AEBP1: variants seen among roughly 807,000 people sequenced by gnomAD.
AEBP1 encodes the protein AE binding protein 1.
Under a neutral mutation model 116.5 loss-of-function variants are expected in AEBP1, and 69 were observed. The ratio of observed to expected loss-of-function variants is 0.59; its 90% CI spans 0.49 to 0.72. The LOEUF (loss-of-function observed/expected upper bound fraction) is 0.72, where lower values mean the gene tolerates loss of function less well. AEBP1 is among the 30% of genes least tolerant of loss of function. AEBP1 has a pLI of 0.00. For missense variants in AEBP1, 1,444 were observed against 1,557.5 expected, an observed-to-expected ratio of 0.93 and a Z score of 1.23; for synonymous variants, 627 against 627.3, an observed-to-expected ratio of 1.00 and a Z score of 0.01.
Position 44,111,072 on chromosome 7 carries a change from C to CT in AEBP1, c.1630+16dup. On this transcript the variant is annotated intron_variant, in intron 13 of 20. Coordinates refer to ENST00000223357, the MANE Select transcript of AEBP1 (RefSeq NM_001129.5). The surrounding 1 kb of genome is among the most constrained non-coding windows in gnomAD (Gnocchi z 4.7). Reference sequence around the variant, plus strand: ...CTCTGTGGCCCGTGAGTGTGGAGGGCTGGCAGGGGCTCTGAGTGGAGGTGG... The same window carrying CT: ...CTCTGTGGCCCGTGAGTGTGGAGGGCTTGGCAGGGGCTCTGAGTGGAGGTGG... 6.2e-7 allele frequency: 1 copy of CT among 1,602,142 alleles called. No homozygotes were observed. Among genetic ancestry groups the CT allele is most frequent in the African/African-American group, 1.3e-5 (1 of 74,924 alleles).
Position 44,107,157 on chromosome 7 carries a change from C to T in AEBP1, c.595+270C>T, listed in dbSNP as rs1415573199. Among the ~76,000 whole-genome samples, 1 of 152,196 alleles carries T rather than the reference C, an allele frequency of 6.6e-6. No homozygotes were observed. Among genetic ancestry groups the T allele is most frequent in the Non-Finnish European group, 1.5e-5 (1 of 68,028 alleles). On this transcript the variant is annotated intron_variant, in intron 2 of 20. Coordinates refer to ENST00000223357, the MANE Select transcript of AEBP1 (RefSeq NM_001129.5). This position sits in a 1 kb window ranked among gnomAD's most constrained non-coding sequence, Gnocchi z 4.3. The stretch of plus-strand genomic sequence containing the variant: ...GCCCAGATGTCCCTGGGCTCTGAGC[C>T]CATGGAGTTCCCTCCTGCCTTCTCC...
Position 44,107,799 on chromosome 7 carries a change from TC to T in AEBP1, c.740-5del, listed in dbSNP as rs2096224567. On this transcript the variant is annotated splice_polypyrimidine_tract_variant and intron_variant, in intron 4 of 20. Transcript: ENST00000223357. The surrounding 1 kb of genome is among the most constrained non-coding windows in gnomAD (Gnocchi z 4.3). ...CCTTGGGCCCCACTCTGAGCCAGCCTCCCCCTCAGTTGAGTACATTCGGCGC... is the reference window on the plus strand; with the variant it reads ...CCTTGGGCCCCACTCTGAGCCAGCCTCCCCTCAGTTGAGTACATTCGGCGC... 1 of 1,611,390 alleles carries T rather than the reference TC, an allele frequency of 6.2e-7. No homozygotes were observed.
chr7:44,112,790 TCTC>T lies in AEBP1; in HGVS notation c.2453_2455del (p.Ser818del). The stretch of plus-strand genomic sequence containing the variant: ...CACGCCATCTTCCGGTGGCTTGCCA[TCTC>T]CTTCGCCTCCGCACACCTCACCTTG... On this transcript the variant is annotated inframe_deletion, in exon 18 of 21. Transcript: ENST00000223357. This position sits in a 1 kb window ranked among gnomAD's most constrained non-coding sequence, Gnocchi z 6.6. 6.2e-7 allele frequency: 1 copy of T among 1,612,406 alleles called. No homozygotes were observed. The highest frequency in any genetic ancestry group is 8.5e-7 in the Non-Finnish European group (1 of 1,179,896).
In AEBP1 at chr7:44,112,378, G is replaced by C. The variant is rs2096230487; in HGVS notation, c.2217+57G>C. ...GGGAGCAGCTGGACCCTGGGGTCCT[G>C]GTGTTCTGGGCTTGGGGGTGGGGCT... On this transcript the variant is annotated intron_variant, in intron 17 of 20. Transcript: ENST00000223357. The surrounding 1 kb of genome is among the most constrained non-coding windows in gnomAD (Gnocchi z 6.6). 2 of 1,505,486 alleles carry C rather than the reference G, an allele frequency of 1.3e-6. No homozygotes were observed. The highest frequency in any genetic ancestry group is 8.9e-7 in the Non-Finnish European group (1 of 1,126,850). 93.3% of individuals were successfully genotyped at this position (1,505,486 alleles called of 1,614,324 possible).
chr7:44,113,437 T>C lies in AEBP1; in HGVS notation c.2809+86T>C, dbSNP rs1295311198. ...GGGCTTGAGGAACTCAGCGAGCAGGTAGAGTCTGGGGAGCCTGGGGGCGAA... is the reference window on the plus strand; with the variant it reads ...GGGCTTGAGGAACTCAGCGAGCAGGCAGAGTCTGGGGAGCCTGGGGGCGAA... On this transcript the variant is annotated intron_variant, in intron 20 of 20. Coordinates refer to ENST00000223357, the MANE Select transcript of AEBP1 (RefSeq NM_001129.5). The surrounding 1 kb of genome is among the most constrained non-coding windows in gnomAD (Gnocchi z 5.3). 1 of 1,471,964 alleles carries C rather than the reference T, an allele frequency of 6.8e-7. No individual in the cohort carries two copies. The highest frequency in any genetic ancestry group is 9.2e-7 in the Non-Finnish European group (1 of 1,085,280). 91.2% of individuals were successfully genotyped at this position (1,471,964 alleles called of 1,614,324 possible).
chr7:44,114,558 G>A lies in AEBP1; in HGVS notation c.*297G>A. 1.6e-6 allele frequency: 1 copy of A among 624,860 alleles called. No individual in the cohort carries two copies. The allele number at this position is 624,860 out of a possible 1,614,324, so 38.7% of individuals were successfully genotyped here. On this transcript the variant is annotated 3_prime_UTR_variant, in exon 21 of 21. Coordinates refer to ENST00000223357, the MANE Select transcript of AEBP1 (RefSeq NM_001129.5). ...GTCACTCCAATAAAACAAGCTCATG[G>A]CACGGACTGCTCACATTCTGAGGTG...
rs1223715110 is a variant in AEBP1, at chr7:44,104,576, C to T, written c.-90C>T. 1.2e-6 allele frequency: 1 copy of T among 843,964 alleles called. No homozygotes were observed. Among genetic ancestry groups the T allele is most frequent in the Non-Finnish European group, 1.7e-6 (1 of 590,200 alleles). 52.3% of individuals were successfully genotyped at this position (843,964 alleles called of 1,614,324 possible). A position where few individuals can be genotyped will look rare whatever the true frequency, so the allele number is the denominator to read the frequency against. ...CCCGCCCCTTCCTGGATTCCCTCACCCGTCTCGATCCCCTCTCCGCCCTTT... is the reference window on the plus strand; with the variant it reads ...CCCGCCCCTTCCTGGATTCCCTCACTCGTCTCGATCCCCTCTCCGCCCTTT... On this transcript the variant is annotated 5_prime_UTR_variant, in exon 1 of 21. Transcript: ENST00000223357.
At position 44,114,433 on chromosome 7, in the gene AEBP1, A is replaced by C. The variant is rs768227799; in HGVS notation, c.*172A>C. ...GGGGGTGCAAACATGACTGGGACCT[A>C]AGAGCCAGAGGCTGTGTAGAGGCTC... On this transcript the variant is annotated 3_prime_UTR_variant, in exon 21 of 21. Coordinates refer to ENST00000223357, the MANE Select transcript of AEBP1 (RefSeq NM_001129.5). 1.6e-5 allele frequency: 12 copies of C among 742,234 alleles called. No individual in the cohort carries two copies. Among genetic ancestry groups the C allele is most frequent in the Non-Finnish European group, 1.9e-5 (9 of 463,462 alleles). 46.0% of individuals were successfully genotyped at this position (742,234 alleles called of 1,614,324 possible).
Position 44,113,559 on chromosome 7 carries a change from CG to C in AEBP1, c.2810-34del, listed in dbSNP as rs750818209. ...TGGGAGGGTGGGGGCCTGGGAGGGG[CG>C]CTCTGGGGCAGCCGGATCGTTCTCC... On this transcript the variant is annotated intron_variant, in intron 20 of 20. Coordinates refer to ENST00000223357, the MANE Select transcript of AEBP1 (RefSeq NM_001129.5). This position sits in a 1 kb window ranked among gnomAD's most constrained non-coding sequence, Gnocchi z 5.3. 19 of 1,563,978 alleles carry C rather than the reference CG, an allele frequency of 1.2e-5. No individual in the cohort carries two copies. The highest frequency in any genetic ancestry group is 1.7e-5 in the Admixed American group (1 of 57,826).
chr7:44,113,787 T>G lies in AEBP1; in HGVS notation c.3003T>G (p.Pro1001=), dbSNP rs1379351446. 6.2e-7 allele frequency: 1 copy of G among 1,614,080 alleles called. No individual in the cohort carries two copies. Among genetic ancestry groups the G allele is most frequent in the Non-Finnish European group, 8.5e-7 (1 of 1,179,992 alleles). Residue 1001 remains proline, a synonymous_variant, in exon 21 of 21, where the codon CCT becomes CCG. Coordinates refer to ENST00000223357, the MANE Select transcript of AEBP1 (RefSeq NM_001129.5). This position sits in a 1 kb window ranked among gnomAD's most constrained non-coding sequence, Gnocchi z 5.3. ...TCATGGCCATGAACGGGAACCGGCC[T>G]ATCCCACACATAGACCCATCGCGCC... ...REIMAMNGNR[P]IPHIDPSRPM...
chr7:44,114,015 C>G lies in AEBP1; in HGVS notation c.3231C>G (p.Gly1077=), dbSNP rs61736256. The G allele has an allele frequency of 0.047, 76,225 of 1,606,336 alleles. 2,676 individuals are homozygous for G. Among genetic ancestry groups the G allele is most frequent in the South Asian group, 0.16 (14,230 of 90,862 alleles). ...PWGLIPPTTA[G]WEESETETYT... Reference sequence around the variant, plus strand: ...GCCTCATACCGCCAACCACCGCTGGCTGGGAGGAGTCGGAGACTGAGACCT... The same window carrying G: ...GCCTCATACCGCCAACCACCGCTGGGTGGGAGGAGTCGGAGACTGAGACCT... Residue 1077 remains glycine, a synonymous_variant, in exon 21 of 21, where the codon GGC becomes GGG. Transcript: ENST00000223357.
At chr7:44,106,983 T>G in intron 2 of AEBP1, 96 bp downstream of exon 2, 1 of 936,846 alleles carries the variant, frequency 1.1e-6, no homozygotes, top group South Asian at 1.8e-5. Flanking sequence ...CTGCTTCCTA[T>G]AGACCTTCAG....
At chr7:44,106,285 C>T (rs2096222808) in intron 1 of AEBP1, 2 of 647,130 alleles carry the variant, frequency 3.1e-6, no homozygotes, top group Admixed American at 4.2e-5. Context: ...GGGATGAGGG[C>T]CTCCCCCTGG....
In AEBP1 at chr7:44,106,783, C is replaced by G. The variant is rs1181069285; in HGVS notation, c.491C>G (p.Pro164Arg). The change falls in exon 2 of 21, where the codon CCC (proline) becomes CGC (arginine). Residue 164 changes from proline (P) to arginine (R), a missense_variant. By Grantham distance (103) the Pro-to-Arg change is moderately radical. Coordinates refer to ENST00000223357, the MANE Select transcript of AEBP1 (RefSeq NM_001129.5). ...AAGCCACCCAAGGCCACCAAGAAGC[C>G]CCCGTCAGGGAAGAGGCCCCCCATT... is the stretch of plus-strand genomic sequence containing the variant. ...KEKPPKATKK[P>R]PSGKRPPILA... 1 of 1,612,302 alleles carries G rather than the reference C, an allele frequency of 6.2e-7. No individual in the cohort carries two copies. The highest frequency in any genetic ancestry group is 2.2e-5 in the East Asian group (1 of 44,782).
chr7:44,109,027 G>A, intron 7 of AEBP1, 51 bp downstream of exon 7: 1 of 1,608,684 alleles, frequency 6.2e-7, no homozygotes. Flanking sequence ...AAGGCCACCT[G>A]GGGCCTGCCT....
rs1443590963 is a variant in AEBP1 at position 44,104,933 on chromosome 7, C to T, written c.253+15C>T. The T allele has an allele frequency of 2.0e-6, 3 of 1,526,964 alleles. No homozygotes were observed. In the East Asian group the frequency reaches 7.4e-5, roughly 38 times the overall value. The allele number at this position is 1,526,964 out of a possible 1,614,324, so 94.6% of individuals were successfully genotyped here. On this transcript the variant is annotated intron_variant, in intron 1 of 20. Coordinates refer to ENST00000223357, the MANE Select transcript of AEBP1 (RefSeq NM_001129.5). The stretch of plus-strand genomic sequence containing the variant: ...GGCCGCAGAAGGTAAGAGCCCAGGG[C>T]AGGGCGGGGGTGTGGGGGGCTGGCA...
chr7:44,107,959 C>A lies in AEBP1; in HGVS notation c.862+28C>A, dbSNP rs775383597. 1.4e-6 allele frequency: 2 copies of A among 1,424,090 alleles called. No individual in the cohort carries two copies. The allele number at this position is 1,424,090 out of a possible 1,614,324, so 88.2% of individuals were successfully genotyped here. ...AGGATGGGGGGCAGGAGAGGAGGTG[C>A]CATGGCCACGGCGCTCTGGCCCCCT... is the stretch of plus-strand genomic sequence containing the variant. On this transcript the variant is annotated intron_variant, in intron 5 of 20. Coordinates refer to ENST00000223357, the MANE Select transcript of AEBP1 (RefSeq NM_001129.5). The surrounding 1 kb of genome is among the most constrained non-coding windows in gnomAD (Gnocchi z 4.3).
Position 44,112,594 on chromosome 7 carries a change from G to C in AEBP1, c.2254G>C (p.Glu752Gln). The change falls in exon 18 of 21, where the codon GAG (glutamate) becomes CAG (glutamine). Residue 752 changes from glutamate to glutamine, a missense_variant. Coordinates refer to ENST00000223357, the MANE Select transcript of AEBP1 (RefSeq NM_001129.5). This position sits in a 1 kb window ranked among gnomAD's most constrained non-coding sequence, Gnocchi z 6.6. The stretch of plus-strand genomic sequence containing the variant: ...GGTCCGGGCCATCATTGCCTGGATG[G>C]AGAAGAACCCCTTCGTGCTGGGAGC... ...TEVRAIIAWM[E>Q]KNPFVLGANL... 1 of 1,604,394 alleles carries C rather than the reference G, an allele frequency of 6.2e-7. No individual in the cohort carries two copies.
In AEBP1 at chr7:44,112,494, C is replaced by A; in HGVS notation, c.2218-64C>A. 7.2e-7 allele frequency: 1 copy of A among 1,398,304 alleles called. No homozygotes were observed. Among genetic ancestry groups the A allele is most frequent in the Non-Finnish European group, 9.5e-7 (1 of 1,055,388 alleles). The allele number at this position is 1,398,304 out of a possible 1,614,324, so 86.6% of individuals were successfully genotyped here. A position where few individuals can be genotyped will look rare whatever the true frequency, so the allele number is the denominator to read the frequency against. On this transcript the variant is annotated intron_variant, in intron 17 of 20. Coordinates refer to ENST00000223357, the MANE Select transcript of AEBP1 (RefSeq NM_001129.5). The surrounding 1 kb of genome is among the most constrained non-coding windows in gnomAD (Gnocchi z 6.6). ...GGTGTGAAGCTTCATGGAGGGTGAT[C>A]GGGCTAGGTTGGGGATAGTGGCCGG...
Sources: allele counts gnomAD v4.1 joint callset (sites outside exome capture counted in the v4.1 genomes callset), GRCh38; gene constraint gnomAD v4.1.1; non-coding constraint Gnocchi (gnomAD v3.1); transcripts MANE v1.5; gene names NCBI Gene and HGNC (gene_info 2026-07-23, HGNC 2026-07-21).